The following MGMT variants were observed in gnomAD, a reference collection of about 807,000 sequenced individuals.
MGMT encodes O-6-methylguanine-DNA methyltransferase, also known as methylated-DNA--protein-cysteine methyltransferase.
A neutral mutation model predicts 15.9 loss-of-function variants in MGMT; 14 were observed. The ratio of observed to expected loss-of-function variants is 0.88; its 90% confidence interval spans 0.58 to 1.37. The LOEUF is 1.37. MGMT is among the 40% of genes most tolerant of loss of function. The pLI, the probability that MGMT is intolerant of heterozygous loss-of-function variation, is 0.00. For synonymous variants in MGMT, 130 were observed against 118.2 expected (o/e 1.10, Z -0.65); for missense variants, 282 against 268.1 (o/e 1.05, Z -0.36).
intron 1 of MGMT, 36 bp downstream of exon 1, chr10:129,467,332 C>T (rs1442277310): frequency 1.3e-6 from 2 of 1,518,870 alleles, no homozygotes; most frequent in African/African-American, 1.4e-5. Flanking sequence ...CGGAAGAGTG[C>T]GGAGCTCTCC....
chr10:129,470,055 G>A (rs1027528049), intron 1 of MGMT, among the ~76,000 whole-genome samples: 1 of 152,298 alleles, frequency 6.6e-6, no homozygotes, highest in Middle Eastern at 3.4e-3. Flanking sequence ...TTTAAAATCA[G>A]AGAAGACACA....
intron 3 of MGMT, among the ~76,000 whole-genome samples, chr10:129,741,141 CTT>C: frequency 6.6e-6 from 1 of 152,250 alleles, no homozygotes; most frequent in Non-Finnish European, 1.5e-5. Flanking sequence ...ACAGATTTGA[CTT>C]TTGAAAAGTG....
chr10:129,530,503 C>T (rs1845918824), intron 1 of MGMT, among the ~76,000 whole-genome samples: 1 of 152,144 alleles, frequency 6.6e-6, no homozygotes, highest in Admixed American at 6.5e-5. Context: ...ATTGGTTAAA[C>T]GTCTCTTGAT....
chr10:129,748,618 A>G (rs1027944241), intron 3 of MGMT, among the ~76,000 whole-genome samples: 4 of 152,176 alleles, frequency 2.6e-5, no homozygotes, highest in African/African-American at 9.7e-5. Flanking sequence ...TGTTGTTTCT[A>G]AGTCTTCTCA....
At chr10:129,613,002 A>G (rs1008439103) in intron 2 of MGMT, among the ~76,000 whole-genome samples, 1 of 152,168 alleles carries the variant, frequency 6.6e-6, no homozygotes, top group Admixed American at 6.5e-5. Flanking sequence ...AGCCGAGTTC[A>G]GACCCACTAC....
rs924437936 is a variant in MGMT, at chr10:129,566,829, G to T, written c.125+30452G>T. Among the ~76,000 whole-genome samples, 10 of 152,238 alleles carry T rather than the reference G, an allele frequency of 6.6e-5. No homozygotes were observed. Among genetic ancestry groups the T allele is most frequent in the South Asian group, 2.1e-4 (1 of 4,812 alleles). On this transcript the variant is annotated intron_variant, in intron 2 of 4. Coordinates refer to ENST00000651593, the MANE Select transcript of MGMT (RefSeq NM_002412.5). This position sits in a 1 kb window ranked among gnomAD's most constrained non-coding sequence, Gnocchi z 4.1. ...AGTCCACATTTTTGAAGAGCTGCAG[G>T]CTGGGGAGCCCCCGTGGCGAACAGA... is the stretch of plus-strand genomic sequence containing the variant.
At chr10:129,722,328 A>T (rs1463614747) in intron 3 of MGMT, among the ~76,000 whole-genome samples, 1 of 152,212 alleles carries the variant, frequency 6.6e-6, no homozygotes, top group Non-Finnish European at 1.5e-5. Context: ...ATTTAAAGAT[A>T]TGCAAGGCCT....
rs1848955097 is a variant in MGMT, at chr10:129,767,692, C to T, written c.*695C>T. Reference sequence around the variant, plus strand: ...CTCTCTGAGAGCTGAAGTCAAGTCTCACCCTCTCTCCATACTCCCTGGCCT... The same window carrying T: ...CTCTCTGAGAGCTGAAGTCAAGTCTTACCCTCTCTCCATACTCCCTGGCCT... On this transcript the variant is annotated 3_prime_UTR_variant, in exon 5 of 5. Coordinates refer to ENST00000651593, the MANE Select transcript of MGMT (RefSeq NM_002412.5). 1 of 152,272 alleles carries T rather than the reference C, an allele frequency of 6.6e-6. No individual in the cohort carries two copies. Among genetic ancestry groups the T allele is most frequent in the East Asian group, 1.9e-4 (1 of 5,198 alleles). The allele number at this position is 152,272 out of a possible 1,614,324, so 9.4% of individuals were successfully genotyped here.
chr10:129,657,411 G>A (rs549527601), intron 2 of MGMT, among the ~76,000 whole-genome samples: 12 of 151,616 alleles, frequency 7.9e-5, no homozygotes, highest in Admixed American at 6.6e-4. Context: ...GTGGGGGTGG[G>A]GGGGGGAGCA....
In MGMT at chr10:129,731,356, CTT is replaced by C. The variant is rs547636043; in HGVS notation, c.274+23336_274+23337del. ...GCCATATTGGAAATTAAACCTAAGA[CTT>C]TTTTTTTTTTTTTTTTTTTTTTGCG... On this transcript the variant is annotated intron_variant, in intron 3 of 4. Transcript: ENST00000651593. Among the ~76,000 whole-genome samples, 532 of 96,878 alleles carry C rather than the reference CTT, an allele frequency of 5.5e-3. 2 individuals carry two copies. Among genetic ancestry groups the C allele is most frequent in the East Asian group, 0.022 (67 of 3,010 alleles). 63.6% of individuals were successfully genotyped at this position (96,878 alleles called of 152,430 possible). A position where few individuals can be genotyped will look rare whatever the true frequency, so the allele number is the denominator to read the frequency against.
intron 1 of MGMT, among the ~76,000 whole-genome samples, chr10:129,498,635 T>C (rs1845546311): frequency 1.3e-5 from 2 of 152,222 alleles, no homozygotes; most frequent in South Asian, 2.1e-4. Context: ...TTGGAAACTC[T>C]TGGGTTTGGC....
intron 2 of MGMT, among the ~76,000 whole-genome samples, chr10:129,706,157 C>T (rs1848159469): frequency 6.6e-6 from 1 of 152,230 alleles, no homozygotes. Flanking sequence ...ACGCACAGTC[C>T]TTGCCCACCT....
chr10:129,586,039 C>T (rs150639624), intron 2 of MGMT, among the ~76,000 whole-genome samples: 44 of 152,102 alleles, frequency 2.9e-4, no homozygotes, highest in Non-Finnish European at 4.1e-4. Context: ...GGGGATGCAC[C>T]GGACAGAGGG....
chr10:129,510,768 T>C (rs951711897), intron 1 of MGMT, among the ~76,000 whole-genome samples: 1 of 152,066 alleles, frequency 6.6e-6, no homozygotes, highest in Non-Finnish European at 1.5e-5. Flanking sequence ...GAACCCCAGA[T>C]ACCAGACGCA....
intron 2 of MGMT, among the ~76,000 whole-genome samples, chr10:129,683,240 C>T (rs536922131): frequency 4.6e-5 from 7 of 152,338 alleles, no homozygotes; most frequent in African/African-American, 1.7e-4. Context: ...ATTTCCAGTG[C>T]AAGTGCCTGC....
At chr10:129,520,507 G>GGTGCAGGTGCAGAGCCTCTACA (rs1845792295) in intron 1 of MGMT, among the ~76,000 whole-genome samples, 1 of 112,442 alleles carries the variant, frequency 8.9e-6, no homozygotes, top group Admixed American at 8.7e-5. Flanking sequence ...GAGCCCCTAC[G>GGTGCAGGTGCAGAGCCTCTACA]GTGCAGGTGC....
chr10:129,686,397 C>CA (rs955502741), intron 2 of MGMT, among the ~76,000 whole-genome samples: 2 of 151,976 alleles, frequency 1.3e-5, no homozygotes, highest in Non-Finnish European at 2.9e-5. Flanking sequence ...TTTTTTGAGA[C>CA]AGAGTCTCGC....
chr10:129,680,018 C>T (rs987709556), intron 2 of MGMT, among the ~76,000 whole-genome samples: 4 of 152,092 alleles, frequency 2.6e-5, no homozygotes, highest in Admixed American at 6.5e-5. Flanking sequence ...AAAATGTCTT[C>T]GATTTAGAAA....
chr10:129,507,402 G>C (rs1057034603), intron 1 of MGMT, among the ~76,000 whole-genome samples: 1 of 152,198 alleles, frequency 6.6e-6, no homozygotes, highest in Non-Finnish European at 1.5e-5. Flanking sequence ...AGTTTGGTGC[G>C]GGCCGCCCTG....
Sources: gnomAD v4.1 joint callset for allele counts (sites outside exome capture counted in the v4.1 genomes callset) on GRCh38, gnomAD v4.1.1 for gene constraint, Gnocchi (gnomAD v3.1) non-coding constraint, MANE v1.5 for transcripts, NCBI Gene and HGNC (gene_info 2026-07-23, HGNC 2026-07-21) for gene names.